OXA1L: variants seen among roughly 807,000 people sequenced by gnomAD.
OXA1L encodes the protein OXA1L mitochondrial inner membrane insertase.
Under a neutral mutation model 52.2 loss-of-function variants are expected in OXA1L, and 42 were observed. That is an observed-to-expected ratio of 0.80 (90% CI 0.63 to 1.04). The LOEUF (loss-of-function observed/expected upper bound fraction) is 1.04, where lower values mean the gene tolerates loss of function less well. Among genes scored for constraint, OXA1L ranks in the 50% least tolerant of loss-of-function variants. The probability of loss-of-function intolerance (pLI) is 0.00; values close to 1 mark genes in which losing one functional copy is unlikely to be tolerated. For missense variants in OXA1L, 572 were observed against 555.0 expected (o/e 1.03, Z -0.31); for synonymous variants, 239 against 201.9 (o/e 1.18, Z -1.56).
chr14:22,766,748 T>A lies in OXA1L; in HGVS notation c.47T>A (p.Leu16Gln). ...GGACGCCGGGAGCTTCTGCGCTTGC[T>A]ACAGTCCGGGCGTCGGGTAAGGATG... ...MCGRRELLRL[L>Q]QSGRRVHSVA... Residue 16 changes from leucine (L) to glutamine (Q), a missense_variant, in exon 1 of 10, where the codon CTA (leucine) becomes CAA (glutamine). Transcript: ENST00000612549. The A allele has an allele frequency of 1.9e-6, 3 of 1,614,202 alleles. No homozygotes were observed. Among genetic ancestry groups the A allele is most frequent in the Non-Finnish European group, 2.5e-6 (3 of 1,180,040 alleles).
At chr14:22,770,073 A>C in intron 4 of OXA1L, 120 bp from the exon 5 acceptor site, 2 of 1,372,044 alleles carry the variant, frequency 1.5e-6, no homozygotes, top group South Asian at 1.2e-5. Context: ...TCTTAGACCT[A>C]ATGCTCCCAA....
At chr14:22,770,777 G>A (rs780256826) in intron 6 of OXA1L, 28 bp from the exon 7 acceptor site, 38 of 1,604,428 alleles carry the variant, frequency 2.4e-5, no homozygotes, top group Admixed American at 6.7e-5. Context: ...CAGCTTTCCC[G>A]ACTTTTCCAC....
Position 22,772,433 on chromosome 14 carries a change from G to A in OXA1L, c.*875G>A, listed in dbSNP as rs1192990074. ...GAACCCAGGAGGCAGAGCTTGCAGT[G>A]AGCCGAGATTGCGCCACTGCACTCC... On this transcript the variant is annotated 3_prime_UTR_variant, in exon 10 of 10. Transcript: ENST00000612549. 3 of 137,976 alleles carry A rather than the reference G, an allele frequency of 2.2e-5. No individual in the cohort carries two copies. The highest frequency in any genetic ancestry group is 5.5e-5 in the African/African-American group (2 of 36,342). The allele number at this position is 137,976 out of a possible 1,614,324, so 8.5% of individuals were successfully genotyped here.
In OXA1L at chr14:22,771,742, A is replaced by G; in HGVS notation, c.*184A>G. 1.6e-6 allele frequency: 1 copy of G among 643,976 alleles called. No individual in the cohort carries two copies. The highest frequency in any genetic ancestry group is 2.7e-6 in the Non-Finnish European group (1 of 370,026). 39.9% of individuals were successfully genotyped at this position (643,976 alleles called of 1,614,324 possible). ...TTTATAAGAGAGCACTGGGTAGCCAAGTGATCTTCCCATTCACAGAGTTAG... is the reference window on the plus strand; with the variant it reads ...TTTATAAGAGAGCACTGGGTAGCCAGGTGATCTTCCCATTCACAGAGTTAG... On this transcript the variant is annotated 3_prime_UTR_variant, in exon 10 of 10. Transcript: ENST00000612549.
chr14:22,770,639 G>A lies in OXA1L; in HGVS notation c.834+14G>A, dbSNP rs751085621. 2 of 1,606,630 alleles carry A rather than the reference G, an allele frequency of 1.2e-6. No individual in the cohort carries two copies. The highest frequency in any genetic ancestry group is 1.3e-5 in the African/African-American group (1 of 74,904). On this transcript the variant is annotated intron_variant, in intron 6 of 9. Coordinates refer to ENST00000612549, the MANE Select transcript of OXA1L (RefSeq NM_005015.5). ...GCTGTTCTTGAGGTAAGCCCAGATT[G>A]GCCAAGTGCCAGGCCTGCAAAGTGA...
chr14:22,770,445 T>C lies in OXA1L; in HGVS notation c.670-16T>C. 6.2e-7 allele frequency: 1 copy of C among 1,610,802 alleles called. No homozygotes were observed. The highest frequency in any genetic ancestry group is 8.5e-7 in the Non-Finnish European group (1 of 1,177,256). On this transcript the variant is annotated splice_polypyrimidine_tract_variant and intron_variant, in intron 5 of 9. Coordinates refer to ENST00000612549, the MANE Select transcript of OXA1L (RefSeq NM_005015.5). ...CTCTGGTAAAGCATGCTGACACTGT[T>C]TATCTTGTGTAATAGGCCCCAATCT... is the stretch of plus-strand genomic sequence containing the variant.
chr14:22,767,872 AACC>A, intron 2 of OXA1L, 83 bp from the exon 3 acceptor site: 1 of 1,018,992 alleles, frequency 9.8e-7, no homozygotes, highest in Non-Finnish European at 1.4e-6. Context: ...GAGAGAACAG[AACC>A]CAGTACTGGT....
rs1270693582 is a variant in OXA1L, at chr14:22,767,965, C to A, written c.233C>A (p.Ala78Asp). Residue 78 changes from alanine to aspartate, a missense_variant, in exon 3 of 10, where the codon GCC becomes GAC. By Grantham distance (126) the Ala-to-Asp change is moderately radical. Around this residue, in one of 5 missense-constraint regions of OXA1L, gnomAD observed 186 missense variants for 151.8 expected, o/e 1.23. Coordinates refer to ENST00000612549, the MANE Select transcript of OXA1L (RefSeq NM_005015.5). ...AISFAEVQVQAPPVVAATPSP... is the reference protein window; with the variant it reads ...AISFAEVQVQDPPVVAATPSP... ...AGGCTTTCTTTCACACAGGTTCAGG[C>A]CCCTCCTGTTGTTGCTGCAACTCCC... is the stretch of plus-strand genomic sequence containing the variant. 4 of 1,611,500 alleles carry A rather than the reference C, an allele frequency of 2.5e-6. No homozygotes were observed. The highest frequency in any genetic ancestry group is 2.5e-6 in the Non-Finnish European group (3 of 1,177,790).
chr14:22,770,639 G>T lies in OXA1L; in HGVS notation c.834+14G>T, dbSNP rs751085621. ...GCTGTTCTTGAGGTAAGCCCAGATT[G>T]GCCAAGTGCCAGGCCTGCAAAGTGA... On this transcript the variant is annotated intron_variant, in intron 6 of 9. Transcript: ENST00000612549. 2 of 1,606,628 alleles carry T rather than the reference G, an allele frequency of 1.2e-6. No individual in the cohort carries two copies. Among genetic ancestry groups the T allele is most frequent in the East Asian group, 4.5e-5 (2 of 44,678 alleles).
rs752159535 is a variant in OXA1L, at chr14:22,770,831, T to G, written c.861T>G (p.Ser287Arg). 10 of 1,614,196 alleles carry G rather than the reference T, an allele frequency of 6.2e-6. No homozygotes were observed. The highest frequency in any genetic ancestry group is 7.6e-6 in the Non-Finnish European group (9 of 1,180,006). The part of the protein sequence containing the change: ...LELGAETGVQ[S>R]SDLQWMRNVI... The stretch of plus-strand genomic sequence containing the variant: ...TAGGTGCTGAGACAGGTGTGCAAAG[T>G]TCTGACCTTCAGTGGATGAGAAATG... Residue 287 changes from serine (S) to arginine (R), a missense_variant, in exon 7 of 10, where the codon AGT (serine) becomes AGG (arginine). Ser to Arg is a moderately radical substitution (Grantham distance 110). Transcript: ENST00000612549.
At position 22,771,164 on chromosome 14, in the gene OXA1L, A is replaced by G. The variant is rs554115479; in HGVS notation, c.1086A>G (p.Leu362=). Residue 362 remains leucine (L), a synonymous_variant, in exon 8 of 10, where the codon CTA becomes CTG. Coordinates refer to ENST00000612549, the MANE Select transcript of OXA1L (RefSeq NM_005015.5). ...LDKLPPREGF[L]ESFKKGWKNA... ...AATTACCTCCACGGGAAGGCTTCCTAGAGAGCTTCAAAAAAGGTAAGGGCT... is the reference window on the plus strand; with the variant it reads ...AATTACCTCCACGGGAAGGCTTCCTGGAGAGCTTCAAAAAAGGTAAGGGCT... 3 of 1,614,098 alleles carry G rather than the reference A, an allele frequency of 1.9e-6. No individual in the cohort carries two copies. In the South Asian group the frequency reaches 3.3e-5, roughly 18 times the overall value.
intron 2 of OXA1L, 144 bp from the exon 3 acceptor site, chr14:22,767,814 A>G (rs2038422542): frequency 3.3e-6 from 2 of 602,606 alleles, no homozygotes. Flanking sequence ...TGTCCTTTTT[A>G]AGCTTGAAAT....
rs2038492214 is a variant in OXA1L, at chr14:22,772,682, A to T, written c.*1124A>T. 1 of 152,334 alleles carries T rather than the reference A, an allele frequency of 6.6e-6. No individual in the cohort carries two copies. The highest frequency in any genetic ancestry group is 1.5e-5 in the Non-Finnish European group (1 of 68,250). The allele number at this position is 152,334 out of a possible 1,614,324, so 9.4% of individuals were successfully genotyped here. ...AAATTTCAAGAAGTAGATGTGTGCA[A>T]ATTCTTAGTGATAATTAAGAATGAA... On this transcript the variant is annotated 3_prime_UTR_variant, in exon 10 of 10. Coordinates refer to ENST00000612549, the MANE Select transcript of OXA1L (RefSeq NM_005015.5).
At chr14:22,768,284 T>C in intron 3 of OXA1L, 113 bp downstream of exon 3, 1 of 780,258 alleles carries the variant, frequency 1.3e-6, no homozygotes, top group Non-Finnish European at 2.2e-6. Flanking sequence ...GAGCAGATGA[T>C]TTCAAATGAG....
intron 2 of OXA1L, 82 bp downstream of exon 2, chr14:22,767,491 G>C: frequency 1.1e-5 from 14 of 1,242,194 alleles, no homozygotes; most frequent in Non-Finnish European, 1.5e-5. Context: ...GGAGCAGGGG[G>C]AATATGGAGC....
At chr14:22,770,438 A>C (rs1406564322) in intron 5 of OXA1L, 23 bp from the exon 6 acceptor site, 2 of 1,608,426 alleles carry the variant, frequency 1.2e-6, no homozygotes, top group Non-Finnish European at 1.7e-6. Flanking sequence ...AAGCATGCTG[A>C]CACTGTTTAT....
intron 8 of OXA1L, 39 bp from the exon 9 acceptor site, chr14:22,771,229 A>C: frequency 6.2e-7 from 1 of 1,613,042 alleles, no homozygotes; most frequent in Non-Finnish European, 8.5e-7. Flanking sequence ...GGGTCTAAAA[A>C]TAGGAATGCA....
In OXA1L at chr14:22,771,716, GTTTAT is replaced by G; in HGVS notation, c.*159_*163del. On this transcript the variant is annotated 3_prime_UTR_variant, in exon 10 of 10. Transcript: ENST00000612549. The stretch of plus-strand genomic sequence containing the variant: ...TTTCATGAAACACTCTTGTACTTAT[GTTTAT>G]AAGAGAGCACTGGGTAGCCAAGTGA... 5.1e-6 allele frequency: 3 copies of G among 589,102 alleles called. No homozygotes were observed. Among genetic ancestry groups the G allele is most frequent in the Non-Finnish European group, 8.7e-6 (3 of 343,956 alleles). 36.5% of individuals were successfully genotyped at this position (589,102 alleles called of 1,614,324 possible).
chr14:22,770,556 T>A lies in OXA1L; in HGVS notation c.765T>A (p.Asp255Glu). Residue 255 changes from aspartate (D) to glutamate (E), a missense_variant, in exon 6 of 10, where the codon GAT becomes GAA. Physicochemically the swap from Asp to Glu is conservative, Grantham distance 45. Transcript: ENST00000612549. Reference sequence around the variant, plus strand: ...CAGGTGGCCTCTGGTGGTTCCAGGATCTCACGGTATCCGATCCCATCTACA... The same window carrying A: ...CAGGTGGCCTCTGGTGGTTCCAGGAACTCACGGTATCCGATCCCATCTACA... ...LQTGGLWWFQ[D>E]LTVSDPIYIL... The A allele has an allele frequency of 1.2e-6, 2 of 1,614,172 alleles. No homozygotes were observed. The highest frequency in any genetic ancestry group is 1.7e-6 in the Non-Finnish European group (2 of 1,180,022).
Sources: allele counts gnomAD v4.1 joint callset, GRCh38; gene constraint gnomAD v4.1.1; regional missense constraint gnomAD v4.1.1; transcripts MANE v1.5; gene names NCBI Gene and HGNC (gene_info 2026-07-23, HGNC 2026-07-21).